Variants in STON1 observed in about 807,000 individuals in gnomAD.
The protein encoded by STON1 is stonin 1, also known as stonin-1.
Under a neutral mutation model 60.9 loss-of-function variants are expected in STON1, and 79 were observed. That is an observed-to-expected ratio of 1.30 (90% confidence interval 1.08 to 1.56). The LOEUF (loss-of-function observed/expected upper bound fraction) is 1.56, where lower values mean the gene tolerates loss of function less well. Ranked by LOEUF, STON1 falls within the 40% of genes most tolerant of loss-of-function variation. The probability of loss-of-function intolerance (pLI) is 0.00; values close to 1 mark genes in which losing one functional copy is unlikely to be tolerated. For missense variants in STON1, 1,166 were observed against 858.9 expected, an observed-to-expected ratio of 1.36 and a Z score of -4.47; for synonymous variants, 363 against 306.9, an observed-to-expected ratio of 1.18 and a Z score of -1.91.
At chr2:48,557,909 A>G (rs924440615) in intron 1 of STON1, among the ~76,000 whole-genome samples, 3 of 152,218 alleles carry the variant, frequency 2.0e-5, no homozygotes, top group African/African-American at 7.2e-5. Context: ...ACTGCTTTGT[A>G]TATAGGACCT....
At chr2:48,535,191 G>A (rs1671372097) in intron 1 of STON1, among the ~76,000 whole-genome samples, 1 of 152,042 alleles carries the variant, frequency 6.6e-6, no homozygotes, top group African/African-American at 2.4e-5. Flanking sequence ...GTGTTACATG[G>A]AATGCCAGGG....
intron 1 of STON1, among the ~76,000 whole-genome samples, chr2:48,575,185 G>A (rs1054173029): frequency 1.6e-4 from 24 of 152,150 alleles, no homozygotes; most frequent in Admixed American, 3.9e-4. Context: ...TGCAACTTGC[G>A]TCAGAATTTT....
chr2:48,584,607 C>G (rs928615290), intron 2 of STON1, among the ~76,000 whole-genome samples: 79 of 147,306 alleles, frequency 5.4e-4, no homozygotes, highest in African/African-American at 1.9e-3. Flanking sequence ...GCTTTTAAAT[C>G]ATCTCAATGT....
rs144773171 is a variant in STON1, at chr2:48,582,537, T to C, written c.1904T>C (p.Ile635Thr). The C allele has an allele frequency of 3.1e-6, 5 of 1,609,664 alleles. No homozygotes were observed. Among genetic ancestry groups the C allele is most frequent in the Non-Finnish European group, 2.5e-6 (3 of 1,178,160 alleles). Residue 635 changes from isoleucine (I) to threonine (T), a missense_variant, in exon 2 of 4, where the codon ATA becomes ACA. Physicochemically the swap from Ile to Thr is moderately conservative, Grantham distance 89. Coordinates refer to ENST00000404752, the MANE Select transcript of STON1 (RefSeq NM_006873.4). Reference protein sequence around the residue: ...ESAYQAVVWKIDRLPDKNSSL... With the variant: ...ESAYQAVVWKTDRLPDKNSSL... ...GCCTACCAGGCAGTGGTATGGAAGA[T>C]AGATCGGCTTCCAGACAAAAATTCA... is the stretch of plus-strand genomic sequence containing the variant.
chr2:48,564,733 CTTTT>C (rs776637856), intron 1 of STON1, among the ~76,000 whole-genome samples: 1 of 100,912 alleles, frequency 9.9e-6, no homozygotes, highest in Non-Finnish European at 2.0e-5. Context: ...TTCTTTCTTT[CTTTT>C]TTTTTTTTTT....
chr2:48,576,658 G>A (rs1402109496), intron 1 of STON1, among the ~76,000 whole-genome samples: 1 of 152,064 alleles, frequency 6.6e-6, no homozygotes, highest in African/African-American at 2.4e-5. Context: ...TTGGAGACAT[G>A]TTTATTCAAG....
chr2:48,549,791 C>T lies in STON1; in HGVS notation c.-48+19575C>T, dbSNP rs1303577021. Among the ~76,000 whole-genome samples, 6 of 128,316 alleles carry T rather than the reference C, an allele frequency of 4.7e-5. No individual in the cohort carries two copies. The South Asian group carries it at 7.2e-4, about 15-fold the overall frequency. 84.2% of individuals were successfully genotyped at this position (128,316 alleles called of 152,430 possible). Reference sequence around the variant, plus strand: ...TTGTGTCACTGCACTCCAGCCCGGACGACAGAGTGACTCCATCTCAAAAAA... The same window carrying T: ...TTGTGTCACTGCACTCCAGCCCGGATGACAGAGTGACTCCATCTCAAAAAA... On this transcript the variant is annotated intron_variant, in intron 1 of 3. Transcript: ENST00000404752.
intron 1 of STON1, among the ~76,000 whole-genome samples, chr2:48,561,579 G>A (rs1019209316): frequency 3.3e-5 from 5 of 152,176 alleles, no homozygotes; most frequent in Admixed American, 2.0e-4. Flanking sequence ...TTTTGGACTG[G>A]AAAATTCTTG....
At chr2:48,568,147 A>C (rs1322637585) in intron 1 of STON1, among the ~76,000 whole-genome samples, 1 of 152,152 alleles carries the variant, frequency 6.6e-6, no homozygotes, top group Non-Finnish European at 1.5e-5. Context: ...GGTTGGGCTG[A>C]TACCAGGAGG....
At chr2:48,592,296 C>T (rs1281045424) in intron 3 of STON1, among the ~76,000 whole-genome samples, 1 of 151,998 alleles carries the variant, frequency 6.6e-6, no homozygotes, top group African/African-American at 2.4e-5. Context: ...TTAGTTAACC[C>T]AGTTTTTCCC....
In STON1 at chr2:48,580,646, A is replaced by T; in HGVS notation, c.13A>T (p.Asn5Tyr). Residue 5 changes from asparagine (N) to tyrosine (Y), a missense_variant, in exon 2 of 4, where the codon AAT (asparagine) becomes TAT (tyrosine). Physicochemically the swap from Asn to Tyr is moderately radical, Grantham distance 143. Transcript: ENST00000404752. ...TCTGATCCCAAAGATGTGCTCCACA[A>T]ATCCAGGCAAATGGGTCACCTTTGA... Reference protein sequence around the residue: MCSTNPGKWVTFDDD... With the variant: MCSTYPGKWVTFDDD... 1 of 1,371,154 alleles carries T rather than the reference A, an allele frequency of 7.3e-7. No homozygotes were observed. The highest frequency in any genetic ancestry group is 2.7e-5 in the East Asian group (1 of 36,844). 84.9% of individuals were successfully genotyped at this position (1,371,154 alleles called of 1,614,324 possible).
intron 2 of STON1, among the ~76,000 whole-genome samples, chr2:48,588,802 C>T (rs112610205): frequency 6.6e-6 from 1 of 152,136 alleles, no homozygotes; most frequent in African/African-American, 2.4e-5. Context: ...GCTGCTGGTC[C>T]CTTAATGTCC....
chr2:48,592,648 A>T (rs1246886540), intron 3 of STON1, among the ~76,000 whole-genome samples: 1 of 147,070 alleles, frequency 6.8e-6, no homozygotes, highest in African/African-American at 2.5e-5. Context: ...TTTAGTAGAG[A>T]TGGGGTTTTG....
At chr2:48,590,660 C>CACACACACACACACACACAT in intron 2 of STON1, among the ~76,000 whole-genome samples, 1 of 151,926 alleles carries the variant, frequency 6.6e-6, no homozygotes, top group East Asian at 1.9e-4. Context: ...CACACACACA[C>CACACACACACACACACACAT]TATATGACCC....
At chr2:48,530,260 C>A (rs1458371979) in intron 1 of STON1, 44 bp downstream of exon 1, 3 of 352,196 alleles carry the variant, frequency 8.5e-6, no homozygotes, top group Admixed American at 4.0e-5. Flanking sequence ...GGCCTGGGAC[C>A]CCCCCTCTCC....
chr2:48,540,094 A>G (rs1671595927), intron 1 of STON1, among the ~76,000 whole-genome samples: 1 of 152,134 alleles, frequency 6.6e-6, no homozygotes, highest in Non-Finnish European at 1.5e-5. Flanking sequence ...CTCAGCTTCC[A>G]TACATTGACC....
chr2:48,562,616 A>G (rs1672658637), intron 1 of STON1, among the ~76,000 whole-genome samples: 1 of 152,268 alleles, frequency 6.6e-6, no homozygotes, highest in Non-Finnish European at 1.5e-5. Flanking sequence ...AAGAAATGCC[A>G]TGAGAGGCCA....
chr2:48,564,556 T>C (rs1572953276), intron 1 of STON1, among the ~76,000 whole-genome samples: 2 of 55,724 alleles, frequency 3.6e-5, no homozygotes, highest in Non-Finnish European at 3.6e-5. Context: ...CTTCTTCTTC[T>C]TCTTCTTCTT....
rs906135517 is a variant in STON1 at position 48,557,718 on chromosome 2, C to T, written c.-47-22869C>T. ...GAGGCCGAGGTTGGCGGATCACTCG[C>T]GGTTAGGGGCTAAGTGCAAAATTTT... On this transcript the variant is annotated intron_variant, in intron 1 of 3. Coordinates refer to ENST00000404752, the MANE Select transcript of STON1 (RefSeq NM_006873.4). Among the ~76,000 whole-genome samples the T allele has an allele frequency of 1.0e-4, 7 of 68,976 alleles. 1 individual carries two copies. The highest frequency in any genetic ancestry group is 8.3e-4 in the Admixed American group (6 of 7,214). The allele number at this position is 68,976 out of a possible 152,430, so 45.3% of individuals were successfully genotyped here.
Sources: gnomAD v4.1 joint callset for allele counts (sites outside exome capture counted in the v4.1 genomes callset) on GRCh38, gnomAD v4.1.1 for gene constraint, MANE v1.5 for transcripts, NCBI Gene and HGNC (gene_info 2026-07-23, HGNC 2026-07-21) for gene names.